Variants in PRLR observed in about 807,000 individuals in gnomAD.
PRLR encodes hPRL receptor.
A neutral mutation model predicts 40.2 loss-of-function variants in PRLR; 13 were observed. That is an observed-to-expected ratio of 0.32 (90% CI 0.21 to 0.51). The LOEUF (loss-of-function observed/expected upper bound fraction) is 0.51. PRLR is among the 20% of genes least tolerant of loss of function. The probability of loss-of-function intolerance (pLI) is 0.97; values close to 1 mark genes in which losing one functional copy is unlikely to be tolerated. For synonymous variants in PRLR, 269 were observed against 278.7 expected, an observed-to-expected ratio of 0.97 and a Z score of 0.35; for missense variants, 656 against 747.3, an observed-to-expected ratio of 0.88 and a Z score of 1.42.
intron 5 of PRLR, among the ~76,000 whole-genome samples, chr5:35,080,379 A>G (rs1222419514): frequency 6.6e-6 from 1 of 152,228 alleles, no homozygotes; most frequent in Non-Finnish European, 1.5e-5. Context: ...AAGTTGGTGA[A>G]GGATATGAAC....
chr5:35,080,519 G>A (rs1403002127), intron 5 of PRLR, among the ~76,000 whole-genome samples: 2 of 152,106 alleles, frequency 1.3e-5, no homozygotes, highest in Non-Finnish European at 2.9e-5. Flanking sequence ...TTAGAATGGT[G>A]ATCATTAAAA....
intron 2 of PRLR, among the ~76,000 whole-genome samples, chr5:35,110,372 A>AG (rs1297211720): frequency 1.3e-5 from 2 of 152,154 alleles, no homozygotes; most frequent in Non-Finnish European, 2.9e-5. Flanking sequence ...ATAAAAAAAA[A>AG]TAAGAGCAAG....
chr5:35,211,580 G>A (rs953134063), intron 1 of PRLR, among the ~76,000 whole-genome samples: 1 of 152,150 alleles, frequency 6.6e-6, no homozygotes, highest in African/African-American at 2.4e-5. Flanking sequence ...AAAATCCCTT[G>A]TAACAGAAAG....
At chr5:35,217,692 T>C (rs1175405143) in intron 1 of PRLR, among the ~76,000 whole-genome samples, 1 of 152,246 alleles carries the variant, frequency 6.6e-6, no homozygotes, top group African/African-American at 2.4e-5. Flanking sequence ...CTTTGAATTT[T>C]AAATGAACTA....
intron 1 of PRLR, among the ~76,000 whole-genome samples, chr5:35,224,588 G>A (rs1328897852): frequency 6.6e-6 from 1 of 152,196 alleles, no homozygotes; most frequent in African/African-American, 2.4e-5. Context: ...GCAGGCACAT[G>A]TCTAGAGATG....
intron 1 of PRLR, among the ~76,000 whole-genome samples, chr5:35,221,250 T>A (rs1561372010): frequency 6.6e-6 from 1 of 152,238 alleles, no homozygotes. Context: ...AAAGCAAGTC[T>A]TGGTTAACTA....
rs973721436 is a variant in PRLR, at chr5:35,064,060, C to A, written c.*1029G>T. ...CGGGAACTTTATATACTACTATGTA[C>A]TGTAAATACACATTATAACCTTGCA... On this transcript the variant is annotated 3_prime_UTR_variant, in exon 10 of 10. Coordinates refer to ENST00000618457, the MANE Select transcript of PRLR (RefSeq NM_000949.7). 2 of 152,172 alleles carry A rather than the reference C, an allele frequency of 1.3e-5. No homozygotes were observed. Among genetic ancestry groups the A allele is most frequent in the African/African-American group, 4.8e-5 (2 of 41,446 alleles). The allele number at this position is 152,172 out of a possible 1,614,324, so 9.4% of individuals were successfully genotyped here. A position where few individuals can be genotyped will look rare whatever the true frequency, so the allele number is the denominator to read the frequency against.
At chr5:35,175,985 AAT>A (rs1189547560) in intron 1 of PRLR, among the ~76,000 whole-genome samples, 2 of 152,196 alleles carry the variant, frequency 1.3e-5, no homozygotes, top group African/African-American at 2.4e-5. Context: ...TTCCAGTATG[AAT>A]ATATATTTAT....
At chr5:35,172,059 G>T (rs1355061897) in intron 1 of PRLR, among the ~76,000 whole-genome samples, 1 of 152,168 alleles carries the variant, frequency 6.6e-6, no homozygotes, top group Non-Finnish European at 1.5e-5. Context: ...CTAAACCGAG[G>T]AAGAGGTTAA....
At chr5:35,197,121 T>C (rs954412243) in intron 1 of PRLR, among the ~76,000 whole-genome samples, 1 of 152,170 alleles carries the variant, frequency 6.6e-6, no homozygotes, top group Non-Finnish European at 1.5e-5. Context: ...CTTTCTCCTG[T>C]CCCCAACTTT....
At chr5:35,229,865 C>A (rs1029542611) in intron 1 of PRLR, among the ~76,000 whole-genome samples, 2 of 151,652 alleles carry the variant, frequency 1.3e-5, no homozygotes, top group Non-Finnish European at 2.9e-5. Flanking sequence ...TTTTTCTTTT[C>A]TTTTTATTTT....
chr5:35,076,590 G>A (rs1334786664), intron 5 of PRLR, among the ~76,000 whole-genome samples: 1 of 152,216 alleles, frequency 6.6e-6, no homozygotes, highest in Non-Finnish European at 1.5e-5. Context: ...GAAAGTGACA[G>A]GGAGAATGGA....
At chr5:35,191,172 G>A (rs1370515685) in intron 1 of PRLR, among the ~76,000 whole-genome samples, 7 of 114,486 alleles carry the variant, frequency 6.1e-5, no homozygotes, top group Non-Finnish European at 9.0e-5. Context: ...CCGGGTTCAC[G>A]CCATTCTCCT....
intron 2 of PRLR, among the ~76,000 whole-genome samples, chr5:35,110,793 T>C (rs779766303): frequency 1.3e-5 from 2 of 152,222 alleles, no homozygotes; most frequent in Non-Finnish European, 2.9e-5. Flanking sequence ...TTCTCCATAC[T>C]GTTTCAGAAA....
intron 2 of PRLR, among the ~76,000 whole-genome samples, chr5:35,111,184 T>G (rs532723614): frequency 6.6e-6 from 1 of 152,216 alleles, no homozygotes; most frequent in Non-Finnish European, 1.5e-5. Flanking sequence ...CTGTTAATCA[T>G]TGGAATATGT....
intron 1 of PRLR, among the ~76,000 whole-genome samples, chr5:35,204,289 C>T (rs1436849135): frequency 1.3e-5 from 2 of 151,342 alleles, no homozygotes; most frequent in Non-Finnish European, 2.9e-5. Context: ...GTAATGTTAT[C>T]TTACTCTTGA....
At chr5:35,207,125 TAA>T (rs1161701736) in intron 1 of PRLR, among the ~76,000 whole-genome samples, 2 of 152,108 alleles carry the variant, frequency 1.3e-5, no homozygotes, top group African/African-American at 4.8e-5. Context: ...AAATTGATAT[TAA>T]GACAGGACGC....
At chr5:35,068,917 G>T (rs772787229) in intron 7 of PRLR, 39 bp from the exon 8 acceptor site, 1 of 1,461,306 alleles carries the variant, frequency 6.8e-7, no homozygotes, top group African/African-American at 1.4e-5. Flanking sequence ...ATCACGTACA[G>T]CATCATTAAA....
At position 35,065,240 on chromosome 5, in the gene PRLR, T is replaced by C. The variant is rs1300444051; in HGVS notation, c.1718A>G (p.Glu573Gly). Residue 573 changes from glutamate to glycine, a missense_variant, in exon 10 of 10, where the codon GAA becomes GGA. Physicochemically the swap from Glu to Gly is moderately conservative, Grantham distance 98. Transcript: ENST00000618457. Reference sequence around the variant, plus strand: ...TGGTGGGGCCTCTTTGGCTGATTCTTCAAAGCAAGCCACGTTTTTAGCATG... The same window carrying C: ...TGGTGGGGCCTCTTTGGCTGATTCTCCAAAGCAAGCCACGTTTTTAGCATG... ...DPHAKNVACFEESAKEAPPSL... is the reference protein window; with the variant it reads ...DPHAKNVACFGESAKEAPPSL... 6.2e-7 allele frequency: 1 copy of C among 1,614,130 alleles called. No individual in the cohort carries two copies. Among genetic ancestry groups the C allele is most frequent in the Non-Finnish European group, 8.5e-7 (1 of 1,180,026 alleles).
Sources: allele counts gnomAD v4.1 joint callset (sites outside exome capture counted in the v4.1 genomes callset), GRCh38; gene constraint gnomAD v4.1.1; transcripts MANE v1.5; gene names NCBI Gene and HGNC (gene_info 2026-07-23, HGNC 2026-07-21).